The following SNTB2 variants were observed in gnomAD, a reference collection of about 807,000 sequenced individuals.
SNTB2 encodes the protein syntrophin beta 2.
Under a neutral mutation model 46.2 loss-of-function variants are expected in SNTB2, and 34 were observed. The observed-to-expected ratio is 0.74, with a 90% CI of 0.56 to 0.98. SNTB2 has a LOEUF of 0.98. SNTB2 is among the 50% of genes least tolerant of loss of function. The pLI is 0.00. For missense variants in SNTB2, 603 were observed against 731.4 expected, an observed-to-expected ratio of 0.82 and a Z score of 2.02; for synonymous variants, 290 against 312.6, an observed-to-expected ratio of 0.93 and a Z score of 0.76.
chr16:69,192,166 G>A (rs998822590), intron 1 of SNTB2, among the ~76,000 whole-genome samples: 18 of 152,224 alleles, frequency 1.2e-4, no homozygotes, highest in Non-Finnish European at 2.6e-4. Flanking sequence ...AAAAACAGCA[G>A]CTGTTGTAGT....
intron 2 of SNTB2, among the ~76,000 whole-genome samples, chr16:69,253,792 T>G (rs955519943): frequency 2.6e-5 from 4 of 152,246 alleles, no homozygotes; most frequent in Non-Finnish European, 5.9e-5. Context: ...AGATTTATTT[T>G]CCATTCTCCC....
At chr16:69,270,386 A>T in intron 4 of SNTB2, 101 bp downstream of exon 4, 1 of 1,434,970 alleles carries the variant, frequency 7.0e-7, no homozygotes. Flanking sequence ...CTAAAAGAGC[A>T]TTTAAGTAGC....
chr16:69,249,505 A>T (rs1964705147), intron 2 of SNTB2, among the ~76,000 whole-genome samples: 1 of 152,222 alleles, frequency 6.6e-6, no homozygotes, highest in Non-Finnish European at 1.5e-5. Flanking sequence ...TTCGTCATTC[A>T]CTAAGGATTG....
In SNTB2 at chr16:69,200,115, C is replaced by T. The variant is rs146993129; in HGVS notation, c.580+12369C>T. On this transcript the variant is annotated intron_variant, in intron 1 of 6. Transcript: ENST00000336278. Reference sequence around the variant, plus strand: ...ATTTTTAGTAGAGATGGGGTTTCACCGTGTTAGCCAGGATGGTCTCAATCT... The same window carrying T: ...ATTTTTAGTAGAGATGGGGTTTCACTGTGTTAGCCAGGATGGTCTCAATCT... Among the ~76,000 whole-genome samples the T allele has an allele frequency of 9.5e-3, 1,445 of 152,174 alleles. 14 individuals are homozygous for T. Among genetic ancestry groups the T allele is most frequent in the Non-Finnish European group, 0.013 (912 of 68,014 alleles).
intron 1 of SNTB2, among the ~76,000 whole-genome samples, chr16:69,218,011 A>T (rs1278707609): frequency 2.0e-5 from 3 of 152,150 alleles, no homozygotes; most frequent in Non-Finnish European, 4.4e-5. Flanking sequence ...GGTAAACACA[A>T]TACACTTGGA....
At chr16:69,262,413 A>G (rs1310026585) in intron 3 of SNTB2, among the ~76,000 whole-genome samples, 1 of 149,550 alleles carries the variant, frequency 6.7e-6, no homozygotes, top group African/African-American at 2.5e-5. Context: ...TGTTGATACT[A>G]ATTTTTATGT....
At chr16:69,228,122 A>G (rs1660240665) in intron 1 of SNTB2, among the ~76,000 whole-genome samples, 2 of 152,156 alleles carry the variant, frequency 1.3e-5, no homozygotes, top group Admixed American at 1.3e-4. Flanking sequence ...AATGTCTTTC[A>G]GACACTGTTA....
chr16:69,245,185 T>C (rs1964657750), intron 1 of SNTB2, among the ~76,000 whole-genome samples: 1 of 152,100 alleles, frequency 6.6e-6, no homozygotes, highest in African/African-American at 2.4e-5. Context: ...TTTTCCCCCA[T>C]TTTTTGTTTG....
chr16:69,298,734 C>G (rs142528658), intron 5 of SNTB2, among the ~76,000 whole-genome samples: 3 of 151,994 alleles, frequency 2.0e-5, no homozygotes, highest in African/African-American at 7.2e-5. Flanking sequence ...GTTGGCCAGG[C>G]TAGTCTCTAA....
intron 4 of SNTB2, among the ~76,000 whole-genome samples, chr16:69,276,762 C>T (rs573593265): frequency 1.3e-5 from 2 of 151,906 alleles, no homozygotes; most frequent in Non-Finnish European, 2.9e-5. Flanking sequence ...GATATTTACA[C>T]TGAGGATGTG....
Position 69,255,572 on chromosome 16 carries a change from AAG to A in SNTB2, c.795-4476_795-4475del, listed in dbSNP as rs1485981606. Among the ~76,000 whole-genome samples, 408 of 144,846 alleles carry A rather than the reference AAG, an allele frequency of 2.8e-3. 4 individuals are homozygous for A. The highest frequency in any genetic ancestry group is 8.4e-3 in the African/African-American group (324 of 38,424). On this transcript the variant is annotated intron_variant, in intron 2 of 6. Transcript: ENST00000336278. ...CAGACTCCGTCTTAAAAAAAAAAAA[AAG>A]AAAGAAAGAAAAATTTTTTGTTGGG...
At chr16:69,202,237 A>G (rs1964169812) in intron 1 of SNTB2, among the ~76,000 whole-genome samples, 1 of 152,108 alleles carries the variant, frequency 6.6e-6, no homozygotes, top group African/African-American at 2.4e-5. Flanking sequence ...GTGCTTCCTA[A>G]CTTTCATCTT....
At position 69,245,724 on chromosome 16, in the gene SNTB2, A is replaced by G; in HGVS notation, c.703A>G (p.Lys235Glu). Residue 235 changes from lysine (K) to glutamate (E), a missense_variant, in exon 2 of 7, where the codon AAA becomes GAA. Physicochemically the swap from Lys to Glu is moderately conservative, Grantham distance 56 (BLOSUM62 1). This residue lies in a region of SNTB2 where 537 missense variants were observed against 692.4 expected (regional missense o/e 0.78). Transcript: ENST00000336278. ...FSGSEDSGSP[K>E]HQNSTKDRKI... The stretch of plus-strand genomic sequence containing the variant: ...TGGCAGTGAGGACTCTGGTTCGCCA[A>G]AACACCAGAACAGCACCAAGGACAG... 6.2e-7 allele frequency: 1 copy of G among 1,614,138 alleles called. No individual in the cohort carries two copies. Among genetic ancestry groups the G allele is most frequent in the East Asian group, 2.2e-5 (1 of 44,880 alleles).
chr16:69,234,719 T>G (rs964528212), intron 1 of SNTB2, among the ~76,000 whole-genome samples: 1 of 150,374 alleles, frequency 6.7e-6, no homozygotes, highest in African/African-American at 2.5e-5. Flanking sequence ...TTTTTTTTTT[T>G]CGAGACCAAG....
chr16:69,303,498 C>T lies in SNTB2; in HGVS notation c.*2574C>T, dbSNP rs1965292732. 2 of 152,718 alleles carry T rather than the reference C, an allele frequency of 1.3e-5. No homozygotes were observed. Among genetic ancestry groups the T allele is most frequent in the South Asian group, 4.1e-4 (2 of 4,820 alleles). 9.5% of individuals were successfully genotyped at this position (152,718 alleles called of 1,614,324 possible). A position where few individuals can be genotyped will look rare whatever the true frequency, so the allele number is the denominator to read the frequency against. ...GAAAGGCAAGGCATGTGTGCATTTT[C>T]ACTCATTTTGGTCAAGGTTAAACTG... On this transcript the variant is annotated 3_prime_UTR_variant, in exon 7 of 7. Transcript: ENST00000336278.
intron 1 of SNTB2, among the ~76,000 whole-genome samples, chr16:69,188,203 C>G (rs988017469): frequency 6.6e-6 from 1 of 151,864 alleles, no homozygotes; most frequent in South Asian, 2.1e-4. Flanking sequence ...ACCACCAAAG[C>G]GCTGGTTAAT....
chr16:69,288,577 T>C (rs1055408592), intron 5 of SNTB2, among the ~76,000 whole-genome samples: 7 of 152,196 alleles, frequency 4.6e-5, no homozygotes, highest in African/African-American at 1.2e-4. Flanking sequence ...CAAACTCTTA[T>C]ACACTGTTGG....
At chr16:69,253,186 A>C (rs1245402367) in intron 2 of SNTB2, among the ~76,000 whole-genome samples, 3 of 151,480 alleles carry the variant, frequency 2.0e-5, no homozygotes, top group African/African-American at 7.3e-5. Flanking sequence ...GGCGTGAGCC[A>C]CCACACCTGG....
intron 1 of SNTB2, among the ~76,000 whole-genome samples, chr16:69,190,166 G>A (rs1352928856): frequency 1.3e-5 from 2 of 152,180 alleles, no homozygotes; most frequent in Non-Finnish European, 2.9e-5. Context: ...TTAAAAGACA[G>A]ATTTTAAGTT....
Sources: gnomAD v4.1 joint callset for allele counts (sites outside exome capture counted in the v4.1 genomes callset) on GRCh38, gnomAD v4.1.1 for gene constraint, gnomAD v4.1.1 regional missense constraint, MANE v1.5 for transcripts, NCBI Gene and HGNC (gene_info 2026-07-23, HGNC 2026-07-21) for gene names.